The following IGF2BP2 variants were observed in gnomAD, a reference collection of about 807,000 sequenced individuals.
IGF2BP2 encodes insulin-like growth factor 2 mRNA-binding protein 2.
In IGF2BP2, 17 loss-of-function variants were observed where a neutral mutation model predicts 75.8. The observed-to-expected ratio is 0.22, with a 90% CI of 0.15 to 0.34. The LOEUF (loss-of-function observed/expected upper bound fraction) is 0.34, where lower values mean the gene tolerates loss of function less well. Among genes scored for constraint, IGF2BP2 ranks in the 10% least tolerant of loss-of-function variants. The pLI is 1.00. For missense variants in IGF2BP2, 516 were observed against 772.4 expected (o/e 0.67, Z 3.93); for synonymous variants, 288 against 295.6 (o/e 0.97, Z 0.26).
chr3:185,787,732 C>CAA (rs5855073), intron 2 of IGF2BP2, among the ~76,000 whole-genome samples: 2 of 141,900 alleles, frequency 1.4e-5, no homozygotes, highest in Non-Finnish European at 3.1e-5. Flanking sequence ...GACTCTGTCT[C>CAA]AAAAAAAAAA....
At chr3:185,674,355 T>C (rs1718977355) in intron 9 of IGF2BP2, among the ~76,000 whole-genome samples, 1 of 152,196 alleles carries the variant, frequency 6.6e-6, no homozygotes, top group Admixed American at 6.5e-5. Context: ...TTCACTTTTG[T>C]ATACATCCAA....
chr3:185,711,160 A>T (rs1350996129), intron 2 of IGF2BP2, among the ~76,000 whole-genome samples: 1 of 152,202 alleles, frequency 6.6e-6, no homozygotes, highest in East Asian at 1.9e-4. Context: ...TAAAGGGGGA[A>T]AATTAGGGCA....
intron 2 of IGF2BP2, among the ~76,000 whole-genome samples, chr3:185,820,194 G>A (rs1237304856): frequency 6.7e-6 from 1 of 148,538 alleles, no homozygotes; most frequent in Non-Finnish European, 1.5e-5. Flanking sequence ...TTCAAAACAA[G>A]GCATGCAGTA....
At chr3:185,689,720 G>A (rs1053633633) in intron 5 of IGF2BP2, 93 bp from the exon 6 acceptor site, 1 of 1,464,502 alleles carries the variant, frequency 6.8e-7, no homozygotes, top group Non-Finnish European at 9.5e-7. Flanking sequence ...TGTAATCCCA[G>A]CACTTTGGGA....
intron 12 of IGF2BP2, 53 bp from the exon 13 acceptor site, chr3:185,652,221 C>T: frequency 1.4e-6 from 2 of 1,479,358 alleles, no homozygotes; most frequent in Non-Finnish European, 1.9e-6. Flanking sequence ...TCCCCAGCCC[C>T]TCTTTCTTGT....
chr3:185,675,144 T>C, intron 9 of IGF2BP2, 152 bp downstream of exon 9: 1 of 653,476 alleles, frequency 1.5e-6, no homozygotes, highest in Non-Finnish European at 2.5e-6. Context: ...TATCATAATT[T>C]ACTAGTTGGT....
intron 2 of IGF2BP2, among the ~76,000 whole-genome samples, chr3:185,721,355 C>T (rs1228121868): frequency 1.3e-5 from 2 of 152,040 alleles, no homozygotes; most frequent in African/African-American, 4.8e-5. Flanking sequence ...GTACCCACCA[C>T]AATGCCCAGC....
intron 2 of IGF2BP2, among the ~76,000 whole-genome samples, chr3:185,770,136 C>A (rs991927529): frequency 2.0e-5 from 3 of 152,150 alleles, no homozygotes; most frequent in African/African-American, 7.2e-5. Context: ...GGGGGATGGT[C>A]TCTCTCTTAG....
At chr3:185,662,084 T>C (rs948494965) in intron 10 of IGF2BP2, among the ~76,000 whole-genome samples, 7 of 152,082 alleles carry the variant, frequency 4.6e-5, no homozygotes, top group Non-Finnish European at 1.0e-4. Context: ...ACAGACGCCC[T>C]TGACGGGTGC....
chr3:185,814,216 TTAA>T (rs1740303502), intron 2 of IGF2BP2: 1 of 152,272 alleles, frequency 6.6e-6, no homozygotes, highest in African/African-American at 2.4e-5. Flanking sequence ...TCCTTCTTTC[TTAA>T]TAATTTAAGA....
chr3:185,665,485 G>GAGA (rs1359050387), intron 10 of IGF2BP2, among the ~76,000 whole-genome samples: 9 of 66,172 alleles, frequency 1.4e-4, no homozygotes, highest in South Asian at 7.5e-4. Context: ...GGAGAAGAAG[G>GAGA]AGGAGAAGGA....
At chr3:185,707,357 G>C (rs1322801234) in intron 2 of IGF2BP2, among the ~76,000 whole-genome samples, 1 of 115,476 alleles carries the variant, frequency 8.7e-6, no homozygotes, top group Non-Finnish European at 1.6e-5. Flanking sequence ...ACCCAGGCTA[G>C]AGGGCACTGG....
rs558878080 is a variant in IGF2BP2 at position 185,717,010 on chromosome 3, A to C, written c.240-18663T>G. The C allele has an allele frequency of 1.2e-5, 4 of 342,728 alleles. No homozygotes were observed. The East Asian group carries it at 2.3e-4, about 19-fold the overall frequency. The allele number at this position is 342,728 out of a possible 1,614,324, so 21.2% of individuals were successfully genotyped here. ...AATGGATGACTATAAACAAGTGAACAGACAGCAGGAGTGGCTGCCCTTATG... is the reference window on the plus strand; with the variant it reads ...AATGGATGACTATAAACAAGTGAACCGACAGCAGGAGTGGCTGCCCTTATG... On this transcript the variant is annotated intron_variant, in intron 2 of 15. Coordinates refer to ENST00000382199, the MANE Select transcript of IGF2BP2 (RefSeq NM_006548.6).
rs538050094 is a variant in IGF2BP2, at chr3:185,819,163, G to A, written c.239+3990C>T. Among the ~76,000 whole-genome samples the A allele has an allele frequency of 1.4e-3, 213 of 152,034 alleles. 2 individuals are homozygous for A. Among genetic ancestry groups the A allele is most frequent in the Non-Finnish European group, 2.3e-3 (154 of 67,942 alleles). ...AAAATGCTTAGAACATCTCTTACTG[G>A]TCATCTTATACCTGGCCATAAGTAT... On this transcript the variant is annotated intron_variant, in intron 2 of 15. Transcript: ENST00000382199.
chr3:185,776,473 G>A (rs1029063041), intron 2 of IGF2BP2, among the ~76,000 whole-genome samples: 2 of 152,154 alleles, frequency 1.3e-5, no homozygotes, highest in African/African-American at 4.8e-5. Flanking sequence ...GTTGATGGTG[G>A]TGCAACTGAG....
At position 185,708,142 on chromosome 3, in the gene IGF2BP2, A is replaced by T. The variant is rs73058865; in HGVS notation, c.240-9795T>A. The stretch of plus-strand genomic sequence containing the variant: ...AGAGAAATACACTGAGGAGCTGATG[A>T]GTCCCTTGTCTGAGTCTCACAGTTA... On this transcript the variant is annotated intron_variant, in intron 2 of 15. Transcript: ENST00000382199. 1.6e-3 allele frequency among the ~76,000 whole-genome samples: 244 copies of T among 152,328 alleles called. No individual in the cohort carries two copies. In the Middle Eastern group the frequency reaches 0.017, roughly 11 times the overall value.
intron 10 of IGF2BP2, among the ~76,000 whole-genome samples, chr3:185,660,756 C>G (rs536217646): frequency 1.9e-4 from 29 of 152,316 alleles, no homozygotes; most frequent in African/African-American, 6.7e-4. Flanking sequence ...AGGTCCGTGT[C>G]CTGGGCCATG....
Position 185,657,282 on chromosome 3 carries a change from T to G in IGF2BP2, c.1386+4A>C. 6.2e-7 allele frequency: 1 copy of G among 1,609,266 alleles called. No individual in the cohort carries two copies. Among genetic ancestry groups the G allele is most frequent in the Non-Finnish European group, 8.5e-7 (1 of 1,176,476 alleles). ...GGCCACAGGGCCGTCAGGAGCAGCC[T>G]CACCTTGATAGAGGCTCCGGCGAAT... On this transcript the variant is annotated splice_donor_region_variant and intron_variant, in intron 12 of 15. Transcript: ENST00000382199.
At chr3:185,720,742 G>A (rs1560355556) in intron 2 of IGF2BP2, among the ~76,000 whole-genome samples, 1 of 152,170 alleles carries the variant, frequency 6.6e-6, no homozygotes, top group Non-Finnish European at 1.5e-5. Context: ...TCAGCTTCAG[G>A]CTTTGGAAGA....
Sources: gnomAD v4.1 joint callset for allele counts (sites outside exome capture counted in the v4.1 genomes callset) on GRCh38, gnomAD v4.1.1 for gene constraint, MANE v1.5 for transcripts, NCBI Gene and HGNC (gene_info 2026-07-23, HGNC 2026-07-21) for gene names.